THADA: variants seen among roughly 807,000 people sequenced by gnomAD.
The protein encoded by THADA is tRNA (32-2'-O)-methyltransferase regulator THADA.
THADA carries 213 observed loss-of-function variants against 219.8 expected under a neutral mutation model. The observed-to-expected ratio is 0.97, with a 90% CI of 0.87 to 1.09. The LOEUF (loss-of-function observed/expected upper bound fraction) is 1.09, where lower values mean the gene tolerates loss of function less well. Ranked by LOEUF, THADA falls within the 50% of genes least tolerant of loss-of-function variation. The pLI, the probability that THADA is intolerant of heterozygous loss-of-function variation, is 0.00. For synonymous variants in THADA, 1,018 were observed against 828.9 expected, an observed-to-expected ratio of 1.23 and a Z score of -3.92; for missense variants, 2,956 against 2,311.3, an observed-to-expected ratio of 1.28 and a Z score of -5.72.
intron 23 of THADA, among the ~76,000 whole-genome samples, chr2:43,508,346 T>A (rs1689967311): frequency 6.6e-6 from 1 of 152,076 alleles, no homozygotes. Context: ...ACATGTGCAC[T>A]TCCTGGAAGT....
At position 43,292,820 on chromosome 2, in the gene THADA, G is replaced by A. The variant is rs200488422; in HGVS notation, c.4818+14C>T. The A allele has an allele frequency of 3.0e-4, 489 of 1,607,328 alleles. 1 individual carries two copies. Among genetic ancestry groups the A allele is most frequent in the South Asian group, 8.3e-4 (75 of 90,800 alleles). On this transcript the variant is annotated intron_variant, in intron 32 of 37. Coordinates refer to ENST00000405975, the MANE Select transcript of THADA (RefSeq NM_022065.5). ...GGGAGTGTAAAGGGCCAGTCAGTAC[G>A]TTGGAGACTTTACCTTGCAGAAGCA...
Position 43,560,392 on chromosome 2 carries a change from A to T in THADA, c.2312-7T>A, listed in dbSNP as rs773759960. On this transcript the variant is annotated splice_polypyrimidine_tract_variant and splice_region_variant and intron_variant, in intron 15 of 37. Coordinates refer to ENST00000405975, the MANE Select transcript of THADA (RefSeq NM_022065.5). Reference sequence around the variant, plus strand: ...TATACTGTATAAATTCTGCCTAAAAATATTTTAAAAACAAAAAGATTTAAA... The same window carrying T: ...TATACTGTATAAATTCTGCCTAAAATTATTTTAAAAACAAAAAGATTTAAA... The T allele has an allele frequency of 2.9e-5, 44 of 1,509,742 alleles. No individual in the cohort carries two copies. Among genetic ancestry groups the T allele is most frequent in the Non-Finnish European group, 3.5e-5 (39 of 1,128,162 alleles). The allele number at this position is 1,509,742 out of a possible 1,614,324, so 93.5% of individuals were successfully genotyped here. A position where few individuals can be genotyped will look rare whatever the true frequency, so the allele number is the denominator to read the frequency against.
At chr2:43,349,159 G>C (rs548438720) in intron 29 of THADA, among the ~76,000 whole-genome samples, 1 of 152,304 alleles carries the variant, frequency 6.6e-6, no homozygotes, top group African/African-American at 2.4e-5. Flanking sequence ...GGTGGTCATG[G>C]AAGCAGCTGG....
intron 22 of THADA, among the ~76,000 whole-genome samples, chr2:43,515,808 G>C (rs921699015): frequency 3.9e-5 from 6 of 152,074 alleles, no homozygotes; most frequent in African/African-American, 1.4e-4. Context: ...CTGCCTTCCA[G>C]AGACTCTCAC....
At chr2:43,408,078 G>A (rs908666319) in intron 28 of THADA, among the ~76,000 whole-genome samples, 3 of 152,162 alleles carry the variant, frequency 2.0e-5, no homozygotes, top group Non-Finnish European at 4.4e-5. Context: ...ACAAAACAAA[G>A]CCTAAAGCTT....
intron 31 of THADA, among the ~76,000 whole-genome samples, chr2:43,303,933 T>A (rs1246717266): frequency 6.6e-6 from 1 of 152,144 alleles, no homozygotes; most frequent in African/African-American, 2.4e-5. Context: ...AATTCCCAGG[T>A]AATGCTGATG....
At chr2:43,251,969 C>T (rs908781320) in intron 36 of THADA, among the ~76,000 whole-genome samples, 12 of 152,282 alleles carry the variant, frequency 7.9e-5, no homozygotes, top group African/African-American at 2.6e-4. Context: ...ATTTTCCATT[C>T]GGGGCTGTTC....
intron 36 of THADA, among the ~76,000 whole-genome samples, chr2:43,263,806 T>C (rs895683028): frequency 2.0e-5 from 3 of 152,220 alleles, no homozygotes; most frequent in Non-Finnish European, 4.4e-5. Flanking sequence ...ATGTGTGCCA[T>C]GGTGGTTTGC....
chr2:43,577,650 A>G (rs1700000566), intron 9 of THADA, among the ~76,000 whole-genome samples: 1 of 152,170 alleles, frequency 6.6e-6, no homozygotes, highest in African/African-American at 2.4e-5. Flanking sequence ...AAAAAGATAA[A>G]ATAAGTTTCC....
intron 28 of THADA, among the ~76,000 whole-genome samples, chr2:43,407,849 G>C (rs547038602): frequency 5.9e-4 from 89 of 152,106 alleles, no homozygotes; most frequent in South Asian, 2.3e-3. Flanking sequence ...ACTCTAGATA[G>C]TCTATGGGAA....
intron 28 of THADA, among the ~76,000 whole-genome samples, chr2:43,400,156 C>G (rs942219164): frequency 6.6e-6 from 1 of 152,108 alleles, no homozygotes; most frequent in African/African-American, 2.4e-5. Context: ...CCTCCTTTTG[C>G]TCCTGACTTT....
chr2:43,239,805 G>T (rs746200591), intron 36 of THADA, among the ~76,000 whole-genome samples: 1 of 152,180 alleles, frequency 6.6e-6, no homozygotes, highest in Non-Finnish European at 1.5e-5. Flanking sequence ...AGCTTTAGGG[G>T]ACTGGCCAAG....
At chr2:43,423,174 T>C (rs191936712) in intron 28 of THADA, among the ~76,000 whole-genome samples, 6 of 74,686 alleles carry the variant, frequency 8.0e-5, no homozygotes, top group African/African-American at 2.3e-4. Context: ...GTCAGTCCTA[T>C]GCTTGAAGGT....
At chr2:43,340,004 G>C (rs746515514) in intron 30 of THADA, among the ~76,000 whole-genome samples, 1 of 152,052 alleles carries the variant, frequency 6.6e-6, no homozygotes, top group Non-Finnish European at 1.5e-5. Flanking sequence ...GTCAGACTGG[G>C]TGATTCCTCT....
intron 20 of THADA, 79 bp downstream of exon 20, chr2:43,549,131 T>G (rs1215690877): frequency 8.1e-7 from 1 of 1,238,700 alleles, no homozygotes; most frequent in Non-Finnish European, 1.1e-6. Context: ...AACCTCTAAT[T>G]TACCATATAA....
chr2:43,562,008 T>A (rs1382503179), intron 15 of THADA, among the ~76,000 whole-genome samples: 1 of 152,216 alleles, frequency 6.6e-6, no homozygotes, highest in Non-Finnish European at 1.5e-5. Flanking sequence ...GACGATCACA[T>A]GGTATTTCCA....
chr2:43,477,429 T>C (rs1407893600), intron 26 of THADA, among the ~76,000 whole-genome samples: 1 of 152,224 alleles, frequency 6.6e-6, no homozygotes, highest in East Asian at 1.9e-4. Flanking sequence ...GAAAAATCTA[T>C]TTTTCACTAA....
chr2:43,462,778 C>G (rs1683788347), intron 26 of THADA, among the ~76,000 whole-genome samples: 3 of 151,990 alleles, frequency 2.0e-5, no homozygotes, highest in Admixed American at 1.3e-4. Flanking sequence ...AACTCCAAAT[C>G]AAAATCACAA....
At chr2:43,368,561 C>T (rs887782509) in intron 29 of THADA, among the ~76,000 whole-genome samples, 9 of 151,720 alleles carry the variant, frequency 5.9e-5, no homozygotes, top group Non-Finnish European at 7.4e-5. Context: ...CCACCATGTC[C>T]GGCTATTTTT....
Sources: gnomAD v4.1 joint callset for allele counts (sites outside exome capture counted in the v4.1 genomes callset) on GRCh38, gnomAD v4.1.1 for gene constraint, MANE v1.5 for transcripts, NCBI Gene and HGNC (gene_info 2026-07-23, HGNC 2026-07-21) for gene names.